The following ZNF736 variants were observed in gnomAD, a reference collection of about 807,000 sequenced individuals.
ZNF736 encodes the protein zinc finger protein 736.
A neutral mutation model predicts 11.7 loss-of-function variants in ZNF736; 6 were observed. That is an observed-to-expected ratio of 0.51 (90% confidence interval 0.28 to 1.01). The LOEUF is 1.01. ZNF736 is among the 50% of genes least tolerant of loss of function. The probability of loss-of-function intolerance (pLI) is 0.09; values close to 1 mark genes in which losing one functional copy is unlikely to be tolerated. For missense variants in ZNF736, 444 were observed against 496.0 expected (o/e 0.90, Z 1.00); for synonymous variants, 139 against 164.7 (o/e 0.84, Z 1.19).
chr7:64,328,738 G>A (rs367584378), intron 1 of ZNF736, among the ~76,000 whole-genome samples: 1 of 152,084 alleles, frequency 6.6e-6, no homozygotes, highest in East Asian at 1.9e-4. Context: ...CTCCAGCCTG[G>A]GCGACAGAGC....
rs1416167499 is a variant in ZNF736, at chr7:64,349,807, A to G, written c.*660A>G. 1 of 152,100 alleles carries G rather than the reference A, an allele frequency of 6.6e-6. No homozygotes were observed. Among genetic ancestry groups the G allele is most frequent in the Non-Finnish European group, 1.5e-5 (1 of 68,076 alleles). 9.4% of individuals were successfully genotyped at this position (152,100 alleles called of 1,614,324 possible). ...CTGAATAGGATCATATATATTTTTT[A>G]CTTCTGAAGCTTACCTTGGTCAGAT... is the stretch of plus-strand genomic sequence containing the variant. On this transcript the variant is annotated 3_prime_UTR_variant, in exon 4 of 4. Coordinates refer to ENST00000423484, the MANE Select transcript of ZNF736 (RefSeq NM_001170905.3).
At chr7:64,342,164 G>T (rs1466579914) in intron 3 of ZNF736, among the ~76,000 whole-genome samples, 1 of 152,138 alleles carries the variant, frequency 6.6e-6, no homozygotes, top group Non-Finnish European at 1.5e-5. Flanking sequence ...TGGAAAATTT[G>T]TCCAAATTTT....
rs73135637 is a variant in ZNF736, at chr7:64,352,984, C to A, written c.*3837C>A. On this transcript the variant is annotated 3_prime_UTR_variant, in exon 4 of 4. Transcript: ENST00000423484. The stretch of plus-strand genomic sequence containing the variant: ...TCTGCCTCTTTCCTATGGGTATGTT[C>A]AGGGGTGTAACCTGCTTTGCTCGAG... 0.12 allele frequency: 18,801 copies of A among 152,428 alleles called. 1,453 individuals are homozygous for A. The highest frequency in any genetic ancestry group is 0.17 in the Non-Finnish European group (11,570 of 68,190). 9.4% of individuals were successfully genotyped at this position (152,428 alleles called of 1,614,324 possible). A position where few individuals can be genotyped will look rare whatever the true frequency, so the allele number is the denominator to read the frequency against.
rs1180692948 is a variant in ZNF736, at chr7:64,350,257, T to C, written c.*1110T>C. ...TCTTAGAGGTTTTGTTCATTCCTCT[T>C]TATTCTTTTTTCACTGTTCTTGTCT... On this transcript the variant is annotated 3_prime_UTR_variant, in exon 4 of 4. Transcript: ENST00000423484. 1 of 152,224 alleles carries C rather than the reference T, an allele frequency of 6.6e-6. No homozygotes were observed. The highest frequency in any genetic ancestry group is 1.9e-4 in the East Asian group (1 of 5,200). 9.4% of individuals were successfully genotyped at this position (152,224 alleles called of 1,614,324 possible).
chr7:64,335,182 A>G (rs1157891479), intron 1 of ZNF736, among the ~76,000 whole-genome samples: 1 of 152,066 alleles, frequency 6.6e-6, no homozygotes, highest in Admixed American at 6.5e-5. Flanking sequence ...TAGGACAAAT[A>G]CCTAATGCAT....
intron 1 of ZNF736, among the ~76,000 whole-genome samples, chr7:64,320,593 A>G (rs1788990308): frequency 6.6e-6 from 1 of 152,174 alleles, no homozygotes; most frequent in African/African-American, 2.4e-5. Flanking sequence ...AACATTTCAA[A>G]TACATGGTAA....
rs1163832437 is a variant in ZNF736, at chr7:64,354,524, C to T, written c.*5377C>T. 1 of 147,772 alleles carries T rather than the reference C, an allele frequency of 6.8e-6. No individual in the cohort carries two copies. The highest frequency in any genetic ancestry group is 1.5e-5 in the Non-Finnish European group (1 of 67,188). The allele number at this position is 147,772 out of a possible 1,614,324, so 9.2% of individuals were successfully genotyped here. A position where few individuals can be genotyped will look rare whatever the true frequency, so the allele number is the denominator to read the frequency against. On this transcript the variant is annotated 3_prime_UTR_variant, in exon 4 of 4. Coordinates refer to ENST00000423484, the MANE Select transcript of ZNF736 (RefSeq NM_001170905.3). ...AATTCATTTATCTAAAATGTTATTG[C>T]TCCTGGCTTAGAATCATCTTGTGCA...
chr7:64,337,754 TGG>T (rs1491321512), intron 3 of ZNF736, among the ~76,000 whole-genome samples: 44,939 of 81,036 alleles, frequency 0.55, 7,869 homozygotes, highest in African/African-American at 0.61. Context: ...TTGTTTTTTT[TGG>T]TTTTTTTTTT....
In ZNF736 at chr7:64,355,115, T is replaced by G. The variant is rs1283181628; in HGVS notation, c.*5968T>G. On this transcript the variant is annotated 3_prime_UTR_variant, in exon 4 of 4. Coordinates refer to ENST00000423484, the MANE Select transcript of ZNF736 (RefSeq NM_001170905.3). ...GAAACAAGATGAAGAGATGGACATT[T>G]TAGCAAAACTAAGTGAAAACCTTGT... is the stretch of plus-strand genomic sequence containing the variant. 1 of 153,850 alleles carries G rather than the reference T, an allele frequency of 6.5e-6. No individual in the cohort carries two copies. The highest frequency in any genetic ancestry group is 2.4e-5 in the African/African-American group (1 of 41,450). 9.5% of individuals were successfully genotyped at this position (153,850 alleles called of 1,614,324 possible).
chr7:64,321,151 G>A (rs1056119125), intron 1 of ZNF736, among the ~76,000 whole-genome samples: 2 of 152,302 alleles, frequency 1.3e-5, no homozygotes, highest in East Asian at 1.9e-4. Context: ...AGTGCTGGGT[G>A]AGCAATGCTT....
At chr7:64,317,772 TTTTCTC>T (rs2115863512) in intron 1 of ZNF736, among the ~76,000 whole-genome samples, 1 of 152,238 alleles carries the variant, frequency 6.6e-6, no homozygotes, top group African/African-American at 2.4e-5. Context: ...AAAATTTTAT[TTTTCTC>T]TTTCTCCAGC....
chr7:64,338,235 TAATTG>T (rs1232197601), intron 3 of ZNF736, among the ~76,000 whole-genome samples: 1 of 152,212 alleles, frequency 6.6e-6, no homozygotes, highest in Non-Finnish European at 1.5e-5. Flanking sequence ...TCACAAATAA[TAATTG>T]AATACCTATG....
intron 1 of ZNF736, among the ~76,000 whole-genome samples, chr7:64,332,421 G>T (rs766865141): frequency 1.3e-5 from 2 of 152,098 alleles, no homozygotes; most frequent in Non-Finnish European, 2.9e-5. Flanking sequence ...CAGGGAGTAG[G>T]TACAAAGATC....
rs1403472043 is a variant in ZNF736, at chr7:64,355,007, ATATC to A, written c.*5864_*5867del. On this transcript the variant is annotated 3_prime_UTR_variant, in exon 4 of 4. Transcript: ENST00000423484. ...TGTGGTCTCAGGTGAAAAATGGAAA[ATATC>A]TATAGTAAAAAAAATGACATTAATT... 6.6e-6 allele frequency: 1 copy of A among 152,222 alleles called. No individual in the cohort carries two copies. Among genetic ancestry groups the A allele is most frequent in the African/African-American group, 2.4e-5 (1 of 41,456 alleles). 9.4% of individuals were successfully genotyped at this position (152,222 alleles called of 1,614,324 possible).
chr7:64,318,581 T>C (rs995303448), intron 1 of ZNF736, among the ~76,000 whole-genome samples: 6 of 152,110 alleles, frequency 3.9e-5, no homozygotes, highest in African/African-American at 1.4e-4. Flanking sequence ...TATATACATA[T>C]TTTGCTGAGA....
At chr7:64,346,652 T>TTATG (rs1789413934) in intron 3 of ZNF736, among the ~76,000 whole-genome samples, 1 of 152,128 alleles carries the variant, frequency 6.6e-6, no homozygotes. Flanking sequence ...ATTGCTTGTG[T>TTATG]TATGTCTTGT....
chr7:64,314,214 C>T (rs1255445914), intron 1 of ZNF736, 61 bp downstream of exon 1: 1 of 1,544,700 alleles, frequency 6.5e-7, no homozygotes, highest in Non-Finnish European at 8.7e-7. Flanking sequence ...CCGGCCGGAA[C>T]CGGCTGCGGT....
chr7:64,328,414 T>C (rs1398470328), intron 1 of ZNF736, among the ~76,000 whole-genome samples: 2 of 151,680 alleles, frequency 1.3e-5, no homozygotes, highest in Non-Finnish European at 2.9e-5. Context: ...GTTTCTTTTC[T>C]CTGCTGCTTT....
chr7:64,319,705 C>T (rs996491999), intron 1 of ZNF736, among the ~76,000 whole-genome samples: 1 of 151,678 alleles, frequency 6.6e-6, no homozygotes, highest in Non-Finnish European at 1.5e-5. Flanking sequence ...CCATGTTGGC[C>T]AGGCTGGTCT....
Sources: allele counts gnomAD v4.1 joint callset (sites outside exome capture counted in the v4.1 genomes callset), GRCh38; gene constraint gnomAD v4.1.1; transcripts MANE v1.5; gene names NCBI Gene and HGNC (gene_info 2026-07-23, HGNC 2026-07-21).